The following MTA3 variants were observed in gnomAD, a reference collection of about 807,000 sequenced individuals.
MTA3 encodes the protein metastasis associated 1 family member 3.
In MTA3, 34 loss-of-function variants were observed where a neutral mutation model predicts 83.5. That is an observed-to-expected ratio of 0.41 (90% CI 0.31 to 0.54). The LOEUF is 0.54. Among genes scored for constraint, MTA3 ranks in the 20% least tolerant of loss-of-function variants. MTA3 has a pLI of 0.33. For synonymous variants in MTA3, 303 were observed against 252.7 expected (o/e 1.20, Z -1.89); for missense variants, 761 against 726.4 (o/e 1.05, Z -0.55).
chr2:42,756,481 TG>T lies in MTA3; in HGVS notation c.*3084del. 1 of 985,544 alleles carries T rather than the reference TG, an allele frequency of 1.0e-6. No homozygotes were observed. Among genetic ancestry groups the T allele is most frequent in the South Asian group, 4.7e-5 (1 of 21,288 alleles). The allele number at this position is 985,544 out of a possible 1,614,324, so 61.0% of individuals were successfully genotyped here. A position where few individuals can be genotyped will look rare whatever the true frequency, so the allele number is the denominator to read the frequency against. On this transcript the variant is annotated 3_prime_UTR_variant, in exon 17 of 17. Coordinates refer to ENST00000405094, the MANE Select transcript of MTA3 (RefSeq NM_001330442.2). ...GAGGGCAAGCAGGTGGGGCTGTGCG[TG>T]GCCTCAGTGCACTCGGTGTCATGTC... is the stretch of plus-strand genomic sequence containing the variant.
chr2:42,708,605 C>A (rs1384162575), intron 13 of MTA3, among the ~76,000 whole-genome samples: 1 of 152,056 alleles, frequency 6.6e-6, no homozygotes, highest in African/African-American at 2.4e-5. Flanking sequence ...TAGTTAACCC[C>A]CTTGGCAGTT....
At position 42,570,492 on chromosome 2, in the gene MTA3, A is replaced by G; in HGVS notation, c.84A>G (p.Glu28=). 6.5e-7 allele frequency: 1 copy of G among 1,530,804 alleles called. No individual in the cohort carries two copies. The highest frequency in any genetic ancestry group is 2.4e-5 in the East Asian group (1 of 42,010). The allele number at this position is 1,530,804 out of a possible 1,614,324, so 94.8% of individuals were successfully genotyped here. The change falls in exon 2 of 17, where the codon GAA becomes GAG. Residue 28 remains glutamate (E), a synonymous_variant. Transcript: ENST00000405094. The part of the protein sequence containing the change: ...SSNPYLIRRI[E]ELNKTASGNV... ...ACCCATACCTAATAAGAAGGATAGA[A>G]GAACTCAACAAGGTATACACTGAGT...
At chr2:42,506,558 G>A (rs1447496843) in intron 2 of MTA3, among the ~76,000 whole-genome samples, 1 of 152,008 alleles carries the variant, frequency 6.6e-6, no homozygotes, top group African/African-American at 2.4e-5. Context: ...AATTCCTTCA[G>A]ATTGGATCTG....
intron 2 of MTA3, among the ~76,000 whole-genome samples, chr2:42,571,389 A>C (rs1394994071): frequency 7.0e-6 from 1 of 143,692 alleles, no homozygotes; most frequent in Non-Finnish European, 1.5e-5. Context: ...ACTGTCTCAA[A>C]AAAAAAAAAA....
At chr2:42,560,983 G>A (rs1431769407) in intron 2 of MTA3, among the ~76,000 whole-genome samples, 1 of 152,094 alleles carries the variant, frequency 6.6e-6, no homozygotes, top group Admixed American at 6.6e-5. Context: ...ACTATATTTA[G>A]AATAAAATCC....
chr2:42,675,410 C>G (rs1357033620), intron 8 of MTA3, among the ~76,000 whole-genome samples: 1 of 152,152 alleles, frequency 6.6e-6, no homozygotes, highest in Admixed American at 6.5e-5. Flanking sequence ...CAGGGATTAA[C>G]AGGTGTGAGC....
intron 6 of MTA3, among the ~76,000 whole-genome samples, chr2:42,645,510 G>A (rs947427356): frequency 6.8e-6 from 1 of 146,832 alleles, no homozygotes; most frequent in Non-Finnish European, 1.5e-5. Context: ...GGGCAACAGA[G>A]TGAGACTTTG....
At chr2:42,540,185 T>TG (rs1332868415) in intron 2 of MTA3, among the ~76,000 whole-genome samples, 145 of 150,520 alleles carry the variant, frequency 9.6e-4, no homozygotes, top group Non-Finnish European at 1.8e-3. Flanking sequence ...TTTTTTTTTT[T>TG]TTTTTGTAGA....
At chr2:42,725,709 C>T (rs1667762105) in intron 16 of MTA3, among the ~76,000 whole-genome samples, 1 of 152,208 alleles carries the variant, frequency 6.6e-6, no homozygotes, top group African/African-American at 2.4e-5. Context: ...GGTTCTGGTA[C>T]AAGCTTCTGC....
intron 5 of MTA3, among the ~76,000 whole-genome samples, chr2:42,641,592 G>C: frequency 6.6e-6 from 1 of 151,748 alleles, no homozygotes; most frequent in Non-Finnish European, 1.5e-5. Context: ...TCACACATGT[G>C]ATCCCAGCGC....
chr2:42,648,300 C>T (rs1161282223), intron 6 of MTA3, among the ~76,000 whole-genome samples: 2 of 152,196 alleles, frequency 1.3e-5, no homozygotes, highest in African/African-American at 4.8e-5. Flanking sequence ...AATAGTAGGA[C>T]ATATCATATT....
Position 42,754,441 on chromosome 2 carries a change from C to T in MTA3, c.*1042C>T, listed in dbSNP as rs1351784088. 10 of 985,498 alleles carry T rather than the reference C, an allele frequency of 1.0e-5. No individual in the cohort carries two copies. The highest frequency in any genetic ancestry group is 8.4e-6 in the Non-Finnish European group (7 of 830,070). 61.0% of individuals were successfully genotyped at this position (985,498 alleles called of 1,614,324 possible). On this transcript the variant is annotated 3_prime_UTR_variant, in exon 17 of 17. Coordinates refer to ENST00000405094, the MANE Select transcript of MTA3 (RefSeq NM_001330442.2). ...TAGGCCCCGGGGGACCTGCCTGCTC[C>T]TTTGGCTTGGGCTCTTCGTGTTTCC...
chr2:42,609,987 C>A (rs1380149756), intron 4 of MTA3, among the ~76,000 whole-genome samples: 1 of 152,164 alleles, frequency 6.6e-6, no homozygotes, highest in Non-Finnish European at 1.5e-5. Context: ...GTAATCCTAG[C>A]CACTCAGGAG....
intron 6 of MTA3, among the ~76,000 whole-genome samples, chr2:42,645,247 G>A (rs1688068319): frequency 6.6e-6 from 1 of 151,394 alleles, no homozygotes; most frequent in African/African-American, 2.4e-5. Context: ...AAAACAGGCT[G>A]GGTGCAGTGG....
At chr2:42,533,724 C>A (rs1247000462) in intron 2 of MTA3, among the ~76,000 whole-genome samples, 1 of 148,344 alleles carries the variant, frequency 6.7e-6, no homozygotes, top group Non-Finnish European at 1.5e-5. Flanking sequence ...CCCAGATACT[C>A]GGGAGGCTGA....
intron 3 of MTA3, among the ~76,000 whole-genome samples, chr2:42,602,255 G>C (rs1467510526): frequency 2.6e-5 from 4 of 152,204 alleles, no homozygotes; most frequent in African/African-American, 9.6e-5. Context: ...GGGATTACAG[G>C]CGTGAGCCAC....
intron 4 of MTA3, among the ~76,000 whole-genome samples, chr2:42,630,416 C>A (rs537051233): frequency 4.6e-5 from 7 of 152,248 alleles, no homozygotes; most frequent in Admixed American, 3.3e-4. Context: ...TGCACAGTCC[C>A]CCCAGGTCTT....
chr2:42,695,925 T>C, intron 10 of MTA3, 86 bp downstream of exon 10: 1 of 855,076 alleles, frequency 1.2e-6, no homozygotes, highest in East Asian at 2.7e-5. Flanking sequence ...GATGTACTAC[T>C]TTTAAATTTG....
At chr2:42,614,035 A>G (rs1391941209) in intron 4 of MTA3, 3 of 152,224 alleles carry the variant, frequency 2.0e-5, no homozygotes, top group Non-Finnish European at 1.5e-5. Context: ...GCTAGATATC[A>G]TATGTATTTA....
Sources: allele counts gnomAD v4.1 joint callset (sites outside exome capture counted in the v4.1 genomes callset), GRCh38; gene constraint gnomAD v4.1.1; transcripts MANE v1.5; gene names NCBI Gene and HGNC (gene_info 2026-07-23, HGNC 2026-07-21).